MTAP: variants seen among roughly 807,000 people sequenced by gnomAD.
The protein encoded by MTAP is S-methyl-5'-thioadenosine phosphorylase.
MTAP carries 33 observed loss-of-function variants against 33.6 expected under a neutral mutation model. The observed-to-expected ratio is 0.98, with a 90% CI of 0.74 to 1.31. The LOEUF (loss-of-function observed/expected upper bound fraction) is 1.31. MTAP is among the 40% of genes most tolerant of loss of function. MTAP has a pLI of 0.00. For missense variants in MTAP, 367 were observed against 360.0 expected, an observed-to-expected ratio of 1.02 and a Z score of -0.16; for synonymous variants, 148 against 125.7, an observed-to-expected ratio of 1.18 and a Z score of -1.19.
chr9:21,872,056 C>A (rs1008793479), downstream of MTAP, among the ~76,000 whole-genome samples: 1 of 152,172 alleles, frequency 6.6e-6, no homozygotes, highest in Non-Finnish European at 1.5e-5. Flanking sequence ...TGGCTCACAC[C>A]TGTAATCCCA....
At chr9:21,897,679 G>C (rs1185354993) in intron 1 of MTAP, among the ~76,000 whole-genome samples, 1 of 152,206 alleles carries the variant, frequency 6.6e-6, no homozygotes, top group Non-Finnish European at 1.5e-5. Flanking sequence ...TACAAGGGAT[G>C]TGAAGGACCT....
At chr9:21,896,725 A>T (rs2118777353) in intron 1 of MTAP, among the ~76,000 whole-genome samples, 1 of 152,302 alleles carries the variant, frequency 6.6e-6, no homozygotes, top group South Asian at 2.1e-4. Context: ...AGGTTCTGAA[A>T]TTGAGGCAAT....
exon 8 of MTAP, chr9:21,937,538 C>T (rs1027680557): frequency 6.6e-6 from 1 of 152,106 alleles, no homozygotes; most frequent in African/African-American, 2.4e-5. Flanking sequence ...CTTTGTGCTT[C>T]GTGTTGCCTT....
chr9:21,816,568 T>C, intron 2 of MTAP, 146 bp from the exon 3 acceptor site: 7 of 663,862 alleles, frequency 1.1e-5, no homozygotes. Flanking sequence ...ATTAAATGAT[T>C]ATATTGATAA....
rs569621675 is a variant in MTAP, at chr9:21,878,630, G to A, written c.147+23760G>A. On this transcript the variant is annotated intron_variant, in intron 1 of 1. Transcript: ENST00000577563. ...ACCTGCCTTGGCCTCCCAAAGTGCT[G>A]GGATTACAGGCATGAGCCACTGCAC... Among the ~76,000 whole-genome samples, 245 of 152,236 alleles carry A rather than the reference G, an allele frequency of 1.6e-3. 1 individual carries two copies. Among genetic ancestry groups the A allele is most frequent in the Non-Finnish European group, 2.6e-3 (180 of 68,012 alleles).
At chr9:21,823,067 C>T (rs1309509006) in intron 4 of MTAP, among the ~76,000 whole-genome samples, 2 of 152,150 alleles carry the variant, frequency 1.3e-5, no homozygotes, top group Admixed American at 6.5e-5. Flanking sequence ...ACTGATGGGT[C>T]TTGACTCTTT....
chr9:21,822,111 T>G (rs1824657857), intron 4 of MTAP, among the ~76,000 whole-genome samples: 1 of 152,180 alleles, frequency 6.6e-6, no homozygotes, highest in South Asian at 2.1e-4. Flanking sequence ...TTGATGGGTT[T>G]TTTGTGTCTC....
At chr9:21,876,117 G>A (rs1279712475) in intron 1 of MTAP, among the ~76,000 whole-genome samples, 2 of 152,140 alleles carry the variant, frequency 1.3e-5, no homozygotes, top group East Asian at 3.8e-4. Context: ...TTTCTCGAAT[G>A]ATCAGTGATA....
Position 21,865,060 on chromosome 9 carries a change from A to G in MTAP, c.*3046A>G. 2.0e-6 allele frequency: 2 copies of G among 985,458 alleles called. No homozygotes were observed. The highest frequency in any genetic ancestry group is 2.4e-6 in the Non-Finnish European group (2 of 829,952). 61.0% of individuals were successfully genotyped at this position (985,458 alleles called of 1,614,324 possible). A position where few individuals can be genotyped will look rare whatever the true frequency, so the allele number is the denominator to read the frequency against. On this transcript the variant is annotated 3_prime_UTR_variant, in exon 8 of 8. Transcript: ENST00000644715. ...AATGAGGAGTTCTTGCCACATTTGC[A>G]GAGTCCCTCCTTGATAAGGTTTGGC... is the stretch of plus-strand genomic sequence containing the variant.
intron 1 of MTAP, among the ~76,000 whole-genome samples, chr9:21,810,909 G>C (rs1454431862): frequency 1.3e-5 from 2 of 152,192 alleles, no homozygotes; most frequent in Non-Finnish European, 2.9e-5. Context: ...CTCACAGCCT[G>C]AGACAGTTGG....
Position 21,802,772 on chromosome 9 carries a change from C to T in MTAP, c.24C>T (p.Thr8=), listed in dbSNP as rs1402169985. The T allele has an allele frequency of 1.1e-5, 17 of 1,613,246 alleles. No homozygotes were observed. Among genetic ancestry groups the T allele is most frequent in the Middle Eastern group, 1.7e-4 (1 of 6,032 alleles). MASGTTT[T]AVKIGIIGGT... ...ACATGGCCTCTGGCACCACCACCACCGCCGTGAAGGTGAGATGAGCCCTCC... is the reference window on the plus strand; with the variant it reads ...ACATGGCCTCTGGCACCACCACCACTGCCGTGAAGGTGAGATGAGCCCTCC... Residue 8 remains threonine (T), a synonymous_variant, in exon 1 of 8, where the codon ACC becomes ACT. Transcript: ENST00000644715.
chr9:21,876,142 AGTATGATT>A (rs1383263189), intron 1 of MTAP, among the ~76,000 whole-genome samples: 2 of 152,070 alleles, frequency 1.3e-5, no homozygotes, highest in African/African-American at 2.4e-5. Context: ...GCTTTTTTAA[AGTATGATT>A]GTTGGCCACA....
chr9:21,924,145 C>T (rs141934349), intron 1 of MTAP, among the ~76,000 whole-genome samples: 1,765 of 152,284 alleles, frequency 0.012, 28 homozygotes, highest in African/African-American at 0.04. Flanking sequence ...CCCAGTAAGA[C>T]AGGTTCATTC....
At chr9:21,805,702 C>T (rs1189667479) in intron 1 of MTAP, among the ~76,000 whole-genome samples, 1 of 152,214 alleles carries the variant, frequency 6.6e-6, no homozygotes. Flanking sequence ...ATTCCCTCTA[C>T]TAAGTGAGAG....
chr9:21,908,883 G>T (rs190118618), intron 1 of MTAP, among the ~76,000 whole-genome samples: 2 of 151,764 alleles, frequency 1.3e-5, no homozygotes, highest in Admixed American at 1.3e-4. Context: ...AATGAAATAT[G>T]GAAGTCTCAT....
At chr9:21,908,049 A>G (rs1818503156) in intron 1 of MTAP, among the ~76,000 whole-genome samples, 1 of 152,210 alleles carries the variant, frequency 6.6e-6, no homozygotes, top group South Asian at 2.1e-4. Flanking sequence ...TGATATAGTC[A>G]AGATACAGAA....
chr9:21,916,369 G>A (rs1448212513), intron 1 of MTAP, among the ~76,000 whole-genome samples: 1 of 151,922 alleles, frequency 6.6e-6, no homozygotes, highest in Non-Finnish European at 1.5e-5. Context: ...CAGCACTTTA[G>A]GAGGCCGAGA....
chr9:21,878,888 CTT>C (rs908122309), intron 1 of MTAP, among the ~76,000 whole-genome samples: 1 of 152,042 alleles, frequency 6.6e-6, no homozygotes, highest in African/African-American at 2.4e-5. Context: ...AAAATCTTGA[CTT>C]ATATTTTTAT....
chr9:21,893,047 G>A (rs1266908113), intron 1 of MTAP: 2 of 152,134 alleles, frequency 1.3e-5, no homozygotes, highest in Non-Finnish European at 2.9e-5. Context: ...TGAAATTAAG[G>A]CAGAAATCAA....
Sources: gnomAD v4.1 joint callset for allele counts (sites outside exome capture counted in the v4.1 genomes callset) on GRCh38, gnomAD v4.1.1 for gene constraint, MANE v1.5 for transcripts, NCBI Gene and HGNC (gene_info 2026-07-23, HGNC 2026-07-21) for gene names.